FOXP2: variants seen among roughly 807,000 people sequenced by gnomAD.
FOXP2 encodes forkhead box P2.
In FOXP2, 12 loss-of-function variants were observed where a neutral mutation model predicts 115.8. The ratio of observed to expected loss-of-function variants is 0.10; its 90% CI spans 0.07 to 0.17. The LOEUF (loss-of-function observed/expected upper bound fraction) is 0.17, where lower values mean the gene tolerates loss of function less well. FOXP2 is among the 10% of genes least tolerant of loss of function. FOXP2 has a pLI of 1.00. For synonymous variants in FOXP2, 328 were observed against 297.7 expected (o/e 1.10, Z -1.05); for missense variants, 629 against 843.5 (o/e 0.75, Z 3.15).
intron 2 of FOXP2, among the ~76,000 whole-genome samples, chr7:114,505,216 T>A (rs1797750182): frequency 6.6e-6 from 1 of 151,680 alleles, no homozygotes; most frequent in East Asian, 1.9e-4. Context: ...ATTTAAGGAA[T>A]CAAATTGTTT....
intron 3 of FOXP2, among the ~76,000 whole-genome samples, chr7:114,611,044 A>G (rs963519473): frequency 6.6e-6 from 1 of 152,200 alleles, no homozygotes; most frequent in African/African-American, 2.4e-5. Context: ...GTAAGACATA[A>G]GAAATATTTC....
At chr7:114,295,346 G>C (rs552883635) in intron 2 of FOXP2, among the ~76,000 whole-genome samples, 33 of 152,242 alleles carry the variant, frequency 2.2e-4, no homozygotes, top group African/African-American at 7.5e-4. Flanking sequence ...CTTGGAATTA[G>C]TCTTTAATGA....
At position 114,379,349 on chromosome 7, in the gene FOXP2, T is replaced by C. The variant is rs539817853; in HGVS notation, c.-10-47153T>C. Among the ~76,000 whole-genome samples, 14 of 152,314 alleles carry C rather than the reference T, an allele frequency of 9.2e-5. No homozygotes were observed. In the East Asian group the frequency reaches 2.7e-3, roughly 29 times the overall value. On this transcript the variant is annotated intron_variant, in intron 2 of 17. Transcript: ENST00000634411. ...GCACCATGTTTAAAGGTGGATGCGGTCACCTTCCCAGCTAGGCTTAGGGAT... is the reference window on the plus strand; with the variant it reads ...GCACCATGTTTAAAGGTGGATGCGGCCACCTTCCCAGCTAGGCTTAGGGAT...
chr7:114,636,982 TG>T (rs1805256636), intron 6 of FOXP2, among the ~76,000 whole-genome samples: 1 of 152,094 alleles, frequency 6.6e-6, no homozygotes, highest in African/African-American at 2.4e-5. Flanking sequence ...AAGACTAGCC[TG>T]GGCAACATAG....
chr7:114,644,076 T>C (rs550728390), intron 7 of FOXP2, among the ~76,000 whole-genome samples: 18 of 152,304 alleles, frequency 1.2e-4, no homozygotes, highest in Non-Finnish European at 2.4e-4. Context: ...TTGAGATTAA[T>C]TTGATGATTG....
At chr7:114,217,705 A>G (rs948045924) in intron 1 of FOXP2, among the ~76,000 whole-genome samples, 2 of 152,198 alleles carry the variant, frequency 1.3e-5, no homozygotes, top group African/African-American at 4.8e-5. Flanking sequence ...GGGTACCACA[A>G]TTCCTGCTAA....
intron 1 of FOXP2, among the ~76,000 whole-genome samples, chr7:114,193,958 T>C (rs141959977): frequency 2.0e-5 from 3 of 152,202 alleles, no homozygotes; most frequent in Non-Finnish European, 4.4e-5. Context: ...ATAGAAAAGG[T>C]AAATTACTTG....
chr7:114,454,976 A>T (rs1015787687), intron 2 of FOXP2, among the ~76,000 whole-genome samples: 15 of 149,826 alleles, frequency 1.0e-4, no homozygotes, highest in South Asian at 2.2e-4. Context: ...ATATGTAACT[A>T]ACCTGCACAA....
chr7:114,117,540 A>G (rs1791443492), intron 1 of FOXP2, among the ~76,000 whole-genome samples: 1 of 152,110 alleles, frequency 6.6e-6, no homozygotes, highest in South Asian at 2.1e-4. Context: ...TGATCTTTAT[A>G]GCCACCTTGT....
intron 10 of FOXP2, among the ~76,000 whole-genome samples, chr7:114,654,668 G>A (rs1213248695): frequency 6.6e-6 from 1 of 152,142 alleles, no homozygotes; most frequent in African/African-American, 2.4e-5. Flanking sequence ...TACACAGACT[G>A]TTGAAAAGAA....
chr7:114,573,616 T>C lies in FOXP2; in HGVS notation c.258+38910T>C, dbSNP rs1801429257. ...TGCCTATCAAAGTGTTAATTTAATG[T>C]CACACATATTATTTCTGTGGTTGAT... On this transcript the variant is annotated intron_variant, in intron 3 of 16. Coordinates refer to ENST00000350908, the MANE Select transcript of FOXP2 (RefSeq NM_014491.4). Among the ~76,000 whole-genome samples, 5 of 151,102 alleles carry C rather than the reference T, an allele frequency of 3.3e-5. No individual in the cohort carries two copies. In the South Asian group the frequency reaches 1.0e-3, roughly 31 times the overall value.
intron 2 of FOXP2, among the ~76,000 whole-genome samples, chr7:114,370,714 T>G (rs1584672525): frequency 1.3e-5 from 2 of 152,214 alleles, no homozygotes; most frequent in African/African-American, 4.8e-5. Context: ...TTTTTGATAA[T>G]TACAGAAGAT....
intron 2 of FOXP2, among the ~76,000 whole-genome samples, chr7:114,371,145 G>C (rs1053867382): frequency 1.3e-5 from 2 of 151,954 alleles, no homozygotes; most frequent in African/African-American, 4.8e-5. Context: ...CAGTGGTACT[G>C]TCAGGGCTAA....
chr7:114,104,261 T>G (rs1158197089), intron 1 of FOXP2, among the ~76,000 whole-genome samples: 1 of 151,950 alleles, frequency 6.6e-6, no homozygotes, highest in Non-Finnish European at 1.5e-5. Context: ...AGTCAGGGCT[T>G]GGCTGTATGA....
chr7:114,350,301 C>T (rs575896251), intron 2 of FOXP2, among the ~76,000 whole-genome samples: 6 of 152,092 alleles, frequency 3.9e-5, no homozygotes, highest in East Asian at 1.9e-4. Context: ...TCCCCTCCCC[C>T]GGTCCCCCAA....
At chr7:114,258,241 T>G (rs1476464522) in intron 1 of FOXP2, among the ~76,000 whole-genome samples, 1 of 152,076 alleles carries the variant, frequency 6.6e-6, no homozygotes, top group Non-Finnish European at 1.5e-5. Flanking sequence ...GAAGCTGAAT[T>G]CTGGATATAT....
chr7:114,470,952 C>T (rs1470048234), intron 2 of FOXP2, among the ~76,000 whole-genome samples: 1 of 152,152 alleles, frequency 6.6e-6, no homozygotes, highest in Non-Finnish European at 1.5e-5. Context: ...CTTTCTGTTT[C>T]CTTCATCATT....
chr7:114,600,613 TG>T (rs1802968663), intron 3 of FOXP2, among the ~76,000 whole-genome samples: 2 of 152,224 alleles, frequency 1.3e-5, no homozygotes, highest in African/African-American at 4.8e-5. Context: ...GTAGATGTAT[TG>T]TGTTACATTC....
At position 114,336,959 on chromosome 7, in the gene FOXP2, C is replaced by T. The variant is rs190004187; in HGVS notation, c.-11+48850C>T. 3.0e-3 allele frequency among the ~76,000 whole-genome samples: 453 copies of T among 151,610 alleles called. 1 individual carries two copies. Among genetic ancestry groups the T allele is most frequent in the South Asian group, 0.011 (55 of 4,830 alleles). On this transcript the variant is annotated intron_variant, in intron 2 of 17. Coordinates refer to the FOXP2 transcript ENST00000634411. ...AGTTTAATAATTCAATTAAATAAGT[C>T]TGATGCTGTCAGGTGTTCTTTTAAT...
Sources: allele counts gnomAD v4.1 joint callset (sites outside exome capture counted in the v4.1 genomes callset), GRCh38; gene constraint gnomAD v4.1.1; transcripts MANE v1.5; gene names NCBI Gene and HGNC (gene_info 2026-07-23, HGNC 2026-07-21).